Variants in GRIA2 observed in about 807,000 individuals in gnomAD.
The protein encoded by GRIA2 is glutamate ionotropic receptor AMPA type subunit 2, also known as glutamate receptor 2.
A neutral mutation model predicts 97.3 loss-of-function variants in GRIA2; 14 were observed. The ratio of observed to expected loss-of-function variants is 0.14; its 90% CI spans 0.10 to 0.23. GRIA2 has a LOEUF of 0.23. GRIA2 is among the 10% of genes least tolerant of loss of function. GRIA2 has a pLI of 1.00. For synonymous variants in GRIA2, 412 were observed against 387.8 expected (o/e 1.06, Z -0.73); for missense variants, 558 against 1,069.8 (o/e 0.52, Z 6.67).
chr4:157,220,475 CG>C (rs1729434344), upstream of GRIA2: 1 of 152,056 alleles, frequency 6.6e-6, no homozygotes, highest in African/African-American at 2.4e-5. Context: ...ACAGCGGCTA[CG>C]GGCCCCGAGC....
At chr4:157,303,531 C>G (rs780526028) in intron 2 of GRIA2, 21 bp from the exon 3 acceptor site, 5 of 1,606,076 alleles carry the variant, frequency 3.1e-6, no homozygotes, top group African/African-American at 2.7e-5. Context: ...TTTTTCCTTT[C>G]TATTTTTCCT....
intron 6 of GRIA2, among the ~76,000 whole-genome samples, chr4:157,328,721 T>C (rs188939281): frequency 9.7e-4 from 148 of 152,144 alleles, no homozygotes; most frequent in Non-Finnish European, 1.7e-3. Context: ...TTCCTGAATA[T>C]AAAATTCTTA....
intron 2 of GRIA2, among the ~76,000 whole-genome samples, chr4:157,289,073 G>T (rs1732973521): frequency 6.6e-6 from 1 of 151,804 alleles, no homozygotes; most frequent in African/African-American, 2.4e-5. Context: ...GTACATTGGA[G>T]CTCTGCTGTG....
intron 2 of GRIA2, among the ~76,000 whole-genome samples, chr4:157,280,240 C>G (rs1430083442): frequency 1.3e-5 from 2 of 151,950 alleles, no homozygotes; most frequent in African/African-American, 4.8e-5. Context: ...AGACGAATAC[C>G]CTTATTAATG....
At chr4:157,240,089 C>G (rs1410820706) in intron 2 of GRIA2, among the ~76,000 whole-genome samples, 5 of 152,006 alleles carry the variant, frequency 3.3e-5, no homozygotes, top group Non-Finnish European at 5.9e-5. Context: ...AATACATTTT[C>G]TTTATTACTT....
intron 9 of GRIA2, chr4:157,335,244 G>A (rs1183802954): frequency 5.1e-6 from 1 of 197,438 alleles, no homozygotes; most frequent in Non-Finnish European, 1.1e-5. Flanking sequence ...CCTTATCTTT[G>A]GGACAGCAGT....
chr4:157,274,396 T>C (rs1732181495), intron 2 of GRIA2, among the ~76,000 whole-genome samples: 1 of 151,998 alleles, frequency 6.6e-6, no homozygotes. Context: ...CTTTAAGTTT[T>C]AGGGTACATG....
intron 6 of GRIA2, among the ~76,000 whole-genome samples, chr4:157,323,142 T>C (rs1366836994): frequency 6.6e-6 from 1 of 151,786 alleles, no homozygotes; most frequent in African/African-American, 2.4e-5. Flanking sequence ...GAGACCATCC[T>C]GGATAACACG....
chr4:157,230,913 G>A (rs935730017), intron 2 of GRIA2, among the ~76,000 whole-genome samples: 2 of 152,116 alleles, frequency 1.3e-5, no homozygotes, highest in South Asian at 2.1e-4. Context: ...GAGTGCAGTA[G>A]AGCTATCACA....
chr4:157,345,582 G>T (rs780214898), intron 12 of GRIA2, among the ~76,000 whole-genome samples: 1 of 152,036 alleles, frequency 6.6e-6, no homozygotes, highest in Non-Finnish European at 1.5e-5. Flanking sequence ...TGATTTTATA[G>T]GACCCATATG....
intron 3 of GRIA2, among the ~76,000 whole-genome samples, chr4:157,310,080 G>A (rs911899990): frequency 5.9e-5 from 9 of 152,092 alleles, no homozygotes; most frequent in African/African-American, 2.2e-4. Flanking sequence ...AGACTTAATG[G>A]CTGTTTTCAA....
chr4:157,256,492 A>C (rs2126756880), intron 2 of GRIA2, among the ~76,000 whole-genome samples: 1 of 151,300 alleles, frequency 6.6e-6, no homozygotes, highest in Non-Finnish European at 1.5e-5. Context: ...GTATTTTTCT[A>C]GTGAAATTAA....
At position 157,330,949 on chromosome 4, in the gene GRIA2, T is replaced by G. The variant is rs1485681762; in HGVS notation, c.883-1870T>G. On this transcript the variant is annotated intron_variant, in intron 6 of 15. Coordinates refer to ENST00000264426, the MANE Select transcript of GRIA2 (RefSeq NM_001083619.3). Reference sequence around the variant, plus strand: ...TGCTCCTTTCAAATTAATTTACATCTAGTTTAATGAATGGTAGAATAAAAC... The same window carrying G: ...TGCTCCTTTCAAATTAATTTACATCGAGTTTAATGAATGGTAGAATAAAAC... Among the ~76,000 whole-genome samples, 3 of 152,088 alleles carry G rather than the reference T, an allele frequency of 2.0e-5. No individual in the cohort carries two copies. The East Asian group carries it at 5.8e-4, about 30-fold the overall frequency.
chr4:157,363,716 T>C lies in GRIA2; in HGVS notation c.*285T>C, dbSNP rs1385904151. ...TCTTTCAGCCAAGAATTCTTAAATA[T>C]GTGGAGTTCATCTTGAATTGTAAGG... On this transcript the variant is annotated 3_prime_UTR_variant, in exon 16 of 16. Transcript: ENST00000264426. 4.5e-6 allele frequency: 2 copies of C among 449,092 alleles called. No individual in the cohort carries two copies. The highest frequency in any genetic ancestry group is 7.4e-6 in the Non-Finnish European group (2 of 271,578). 27.8% of individuals were successfully genotyped at this position (449,092 alleles called of 1,614,324 possible).
Position 157,341,523 on chromosome 4 carries a change from T to G in GRIA2, c.2043+61T>G, listed in dbSNP as rs1735546178. ...CCTGAAATTTAACCTATTTAAACTT[T>G]GTTTCCCTCCCATAGTCAATTCCAA... is the stretch of plus-strand genomic sequence containing the variant. On this transcript the variant is annotated intron_variant, in intron 12 of 15. Coordinates refer to ENST00000264426, the MANE Select transcript of GRIA2 (RefSeq NM_001083619.3). The G allele has an allele frequency of 2.6e-6, 3 of 1,143,768 alleles. No individual in the cohort carries two copies. In the African/African-American group the frequency reaches 4.5e-5, roughly 17 times the overall value. 70.9% of individuals were successfully genotyped at this position (1,143,768 alleles called of 1,614,324 possible).
intron 2 of GRIA2, among the ~76,000 whole-genome samples, chr4:157,281,415 T>TA (rs896233006): frequency 3.9e-5 from 6 of 152,154 alleles, no homozygotes; most frequent in African/African-American, 9.6e-5. Context: ...TTATTTCCCA[T>TA]AAAAAATCAT....
At position 157,277,134 on chromosome 4, in the gene GRIA2, T is replaced by C. The variant is rs1021616955; in HGVS notation, c.230-26418T>C. Among the ~76,000 whole-genome samples, 6 of 151,814 alleles carry C rather than the reference T, an allele frequency of 4.0e-5. No homozygotes were observed. In the East Asian group the frequency reaches 1.2e-3, roughly 29 times the overall value. ...TCTCTCATGAACATAGACACAAAAA[T>C]AATTAACAAAATATTAGCAAATGAA... On this transcript the variant is annotated intron_variant, in intron 2 of 15. Transcript: ENST00000264426.
chr4:157,302,727 A>G (rs1414209674), intron 2 of GRIA2, among the ~76,000 whole-genome samples: 1 of 152,160 alleles, frequency 6.6e-6, no homozygotes, highest in Non-Finnish European at 1.5e-5. Context: ...CCCTTATTTG[A>G]GTATATCGAG....
chr4:157,338,367 C>G (rs1735400796), intron 11 of GRIA2, among the ~76,000 whole-genome samples: 1 of 151,828 alleles, frequency 6.6e-6, no homozygotes, highest in African/African-American at 2.4e-5. Context: ...TGTGTCAGCC[C>G]AGTCTGGCCT....
Sources: allele counts gnomAD v4.1 joint callset (sites outside exome capture counted in the v4.1 genomes callset), GRCh38; gene constraint gnomAD v4.1.1; transcripts MANE v1.5; gene names NCBI Gene and HGNC (gene_info 2026-07-23, HGNC 2026-07-21).